The following NAALADL2 variants were observed in gnomAD, a reference collection of about 807,000 sequenced individuals.
NAALADL2 encodes inactive N-acetylated-alpha-linked acidic dipeptidase-like protein 2.
A neutral mutation model predicts 87.2 loss-of-function variants in NAALADL2; 76 were observed. The observed-to-expected ratio is 0.87, with a 90% CI of 0.72 to 1.05. NAALADL2 has a LOEUF of 1.05. Ranked by LOEUF, NAALADL2 falls within the 50% of genes least tolerant of loss-of-function variation. The pLI, the probability that NAALADL2 is intolerant of heterozygous loss-of-function variation, is 0.00. For missense variants in NAALADL2, 1,089 were observed against 945.8 expected, an observed-to-expected ratio of 1.15 and a Z score of -1.99; for synonymous variants, 354 against 331.0, an observed-to-expected ratio of 1.07 and a Z score of -0.75.
chr3:175,295,717 A>AC (rs57201981), intron 4 of NAALADL2, among the ~76,000 whole-genome samples: 56,642 of 138,022 alleles, frequency 0.41, 11,597 homozygotes, highest in Non-Finnish European at 0.49. Context: ...ACATGCACAC[A>AC]AACACACACA....
chr3:174,608,736 A>G (rs1325331576), intron 2 of NAALADL2, among the ~76,000 whole-genome samples: 1 of 148,010 alleles, frequency 6.8e-6, no homozygotes, highest in East Asian at 1.9e-4. Context: ...CCAGAGGTAC[A>G]AGGAGGAAGT....
At chr3:174,599,370 C>T (rs1718225847) in intron 2 of NAALADL2, among the ~76,000 whole-genome samples, 1 of 152,132 alleles carries the variant, frequency 6.6e-6, no homozygotes, top group Admixed American at 6.6e-5. Context: ...TAGGAGAAAA[C>T]TGACCTTCTA....
At chr3:174,789,413 T>A (rs1169705831) in intron 3 of NAALADL2, among the ~76,000 whole-genome samples, 4 of 152,144 alleles carry the variant, frequency 2.6e-5, no homozygotes, top group African/African-American at 7.2e-5. Context: ...TTATTTTGAC[T>A]TGGAAAAGAT....
intron 11 of NAALADL2, among the ~76,000 whole-genome samples, chr3:175,668,351 T>A (rs1270893585): frequency 8.5e-5 from 13 of 152,292 alleles, no homozygotes; most frequent in African/African-American, 3.1e-4. Context: ...TGAGCTATTG[T>A]TTATTATGAT....
intron 2 of NAALADL2, among the ~76,000 whole-genome samples, chr3:174,671,687 A>G (rs902988876): frequency 6.6e-6 from 1 of 152,048 alleles, no homozygotes; most frequent in Non-Finnish European, 1.5e-5. Context: ...CTCACCTTCT[A>G]TTCTTTAGGT....
Position 175,600,686 on chromosome 3 carries a change from C to G in NAALADL2, c.1800+24499C>G, listed in dbSNP as rs1258215427. Reference sequence around the variant, plus strand: ...CCGAGTAGCTGGGACTACAGGCGCCCGCTACCACGCCCGGCTAATTTTTTG... The same window carrying G: ...CCGAGTAGCTGGGACTACAGGCGCCGGCTACCACGCCCGGCTAATTTTTTG... On this transcript the variant is annotated intron_variant, in intron 10 of 13. Coordinates refer to ENST00000454872, the MANE Select transcript of NAALADL2 (RefSeq NM_207015.3). Among the ~76,000 whole-genome samples the G allele has an allele frequency of 1.3e-5, 2 of 151,306 alleles. 1 individual carries two copies. Among genetic ancestry groups the G allele is most frequent in the African/African-American group, 4.9e-5 (2 of 41,226 alleles).
In NAALADL2 at chr3:174,983,444, G is replaced by A. The variant is rs528329458; in HGVS notation, c.44-113346G>A. ...CTTGGTTGTATCTTAGTCCCAATGG[G>A]CTGCTATAACAAAATATCGTCAAGT... On this transcript the variant is annotated intron_variant, in intron 1 of 13. Coordinates refer to ENST00000454872, the MANE Select transcript of NAALADL2 (RefSeq NM_207015.3). 5.3e-5 allele frequency among the ~76,000 whole-genome samples: 8 copies of A among 152,240 alleles called. No homozygotes were observed. In the East Asian group the frequency reaches 1.4e-3, roughly 26 times the overall value.
chr3:175,527,368 C>T (rs1733561210), intron 9 of NAALADL2, among the ~76,000 whole-genome samples: 1 of 152,050 alleles, frequency 6.6e-6, no homozygotes, highest in South Asian at 2.1e-4. Flanking sequence ...CTGGTAATAT[C>T]TTCTTGATGG....
intron 1 of NAALADL2, among the ~76,000 whole-genome samples, chr3:174,960,617 T>G (rs1405975558): frequency 6.6e-6 from 1 of 152,060 alleles, no homozygotes; most frequent in Non-Finnish European, 1.5e-5. Flanking sequence ...TATCGATAGC[T>G]TTTTTGGGAT....
At chr3:175,115,193 G>T (rs1239102814) in intron 2 of NAALADL2, 1 of 151,536 alleles carries the variant, frequency 6.6e-6, no homozygotes, top group Non-Finnish European at 1.5e-5. Context: ...CTGACTCCTA[G>T]ATATATAATT....
chr3:175,400,950 A>G (rs1770493171), intron 5 of NAALADL2, among the ~76,000 whole-genome samples: 1 of 152,146 alleles, frequency 6.6e-6, no homozygotes, highest in Admixed American at 6.6e-5. Context: ...GTACAGTTTT[A>G]TTAATTTAAA....
At chr3:175,507,676 G>A (rs573572434) in intron 9 of NAALADL2, among the ~76,000 whole-genome samples, 4 of 152,138 alleles carry the variant, frequency 2.6e-5, no homozygotes, top group South Asian at 2.1e-4. Context: ...TGCCCACCTC[G>A]GCCTCCCAAA....
At chr3:175,422,919 C>T (rs1715957763) in intron 5 of NAALADL2, among the ~76,000 whole-genome samples, 1 of 149,826 alleles carries the variant, frequency 6.7e-6, no homozygotes, top group African/African-American at 2.5e-5. Flanking sequence ...CAGGCACCAA[C>T]TAAACTATAG....
chr3:174,930,062 A>AT (rs564487432), intron 1 of NAALADL2, among the ~76,000 whole-genome samples: 98 of 152,326 alleles, frequency 6.4e-4, no homozygotes, highest in African/African-American at 2.2e-3. Context: ...TGTAGACCAT[A>AT]GACTTATGAG....
intron 4 of NAALADL2, among the ~76,000 whole-genome samples, chr3:175,302,328 A>C (rs1581326579): frequency 6.6e-6 from 1 of 152,190 alleles, no homozygotes; most frequent in East Asian, 1.9e-4. Flanking sequence ...TATGTATTTC[A>C]ATGGATTCAC....
chr3:175,541,260 A>G (rs1369916175), intron 9 of NAALADL2, among the ~76,000 whole-genome samples: 2 of 152,174 alleles, frequency 1.3e-5, no homozygotes, highest in Admixed American at 6.5e-5. Context: ...TACTCTCCAA[A>G]CAGTAGAATG....
intron 13 of NAALADL2, among the ~76,000 whole-genome samples, chr3:175,799,487 A>G (rs1340755187): frequency 6.6e-6 from 1 of 152,060 alleles, no homozygotes; most frequent in African/African-American, 2.4e-5. Flanking sequence ...AATATGTTTG[A>G]TATGTATCCT....
intron 2 of NAALADL2, among the ~76,000 whole-genome samples, chr3:174,590,387 C>G (rs1717235048): frequency 6.6e-6 from 1 of 151,960 alleles, no homozygotes; most frequent in Non-Finnish European, 1.5e-5. Context: ...TTAAAAGATA[C>G]TGTATAAGGC....
chr3:174,648,349 A>C (rs148408041), intron 2 of NAALADL2, among the ~76,000 whole-genome samples: 13 of 152,064 alleles, frequency 8.5e-5, no homozygotes, highest in African/African-American at 1.7e-4. Context: ...GAAAAAAAAA[A>C]AAACAAACCT....
Sources: allele counts gnomAD v4.1 joint callset (sites outside exome capture counted in the v4.1 genomes callset), GRCh38; gene constraint gnomAD v4.1.1; transcripts MANE v1.5; gene names NCBI Gene and HGNC (gene_info 2026-07-23, HGNC 2026-07-21).